Variants in FERMT1 observed in about 807,000 individuals in gnomAD.
FERMT1 encodes FERM domain containing kindlin 1.
FERMT1 carries 60 observed loss-of-function variants against 85.3 expected under a neutral mutation model. That is an observed-to-expected ratio of 0.70 (90% CI 0.57 to 0.87). The LOEUF (loss-of-function observed/expected upper bound fraction) is 0.87. Ranked by LOEUF, FERMT1 falls within the 40% of genes least tolerant of loss-of-function variation. The pLI, the probability that FERMT1 is intolerant of heterozygous loss-of-function variation, is 0.00. For missense variants in FERMT1, 701 were observed against 818.9 expected, an observed-to-expected ratio of 0.86 and a Z score of 1.76; for synonymous variants, 275 against 301.1, an observed-to-expected ratio of 0.91 and a Z score of 0.90.
chr20:6,083,895 C>T, intron 13 of FERMT1, 145 bp downstream of exon 13: 1 of 924,490 alleles, frequency 1.1e-6, no homozygotes, highest in Non-Finnish European at 1.7e-6. Context: ...ATGAGCAGCC[C>T]AAAGTGTCAG....
At chr20:6,102,199 G>A (rs1982676273) in intron 6 of FERMT1, among the ~76,000 whole-genome samples, 1 of 151,978 alleles carries the variant, frequency 6.6e-6, no homozygotes, top group African/African-American at 2.4e-5. Context: ...CATTTCTCCA[G>A]AGACAATGCT....
At chr20:6,097,483 G>T in intron 7 of FERMT1, 41 bp downstream of exon 7, 2 of 1,422,072 alleles carry the variant, frequency 1.4e-6, no homozygotes, top group Non-Finnish European at 2.0e-6. Flanking sequence ...AACAAACTTG[G>T]TTTGTCTCCT....
intron 6 of FERMT1, among the ~76,000 whole-genome samples, chr20:6,098,769 A>C (rs1339210373): frequency 6.6e-6 from 1 of 152,174 alleles, no homozygotes; most frequent in East Asian, 1.9e-4. Flanking sequence ...ATAAGATACT[A>C]CTTCACACCT....
chr20:6,096,782 CT>C lies in FERMT1; in HGVS notation c.1089+119del, dbSNP rs202086138. The C allele has an allele frequency of 0.14, 72,001 of 523,322 alleles. 222 individuals are homozygous for C. The highest frequency in any genetic ancestry group is 0.16 in the Admixed American group (5,236 of 32,608). 32.4% of individuals were successfully genotyped at this position (523,322 alleles called of 1,614,324 possible). A position where few individuals can be genotyped will look rare whatever the true frequency, so the allele number is the denominator to read the frequency against. On this transcript the variant is annotated intron_variant, in intron 8 of 14. Coordinates refer to ENST00000217289, the MANE Select transcript of FERMT1 (RefSeq NM_017671.5). ...TTGAAGCTTGTTAGGTGAAGAGCATCTTTTTTTTTTTTTTTTTTTCAAAATC... is the reference window on the plus strand; with the variant it reads ...TTGAAGCTTGTTAGGTGAAGAGCATCTTTTTTTTTTTTTTTTTTCAAAATC...
At chr20:6,084,200 C>A (rs1982097957) in intron 12 of FERMT1, 36 bp from the exon 13 acceptor site, 2 of 1,588,444 alleles carry the variant, frequency 1.3e-6, no homozygotes, top group South Asian at 2.3e-5. Context: ...TCTTCACATG[C>A]ACCGGCTGCT....
Position 6,076,202 on chromosome 20 carries a change from G to A in FERMT1, c.*971C>T. On this transcript the variant is annotated 3_prime_UTR_variant, in exon 15 of 15. Transcript: ENST00000217289. ...AGCCCCTGTGGGGGCAGCCAGTGGGGAGCTGTCAGACCTTGGACATGGTGG... is the reference window on the plus strand; with the variant it reads ...AGCCCCTGTGGGGGCAGCCAGTGGGAAGCTGTCAGACCTTGGACATGGTGG... 4 of 302,058 alleles carry A rather than the reference G, an allele frequency of 1.3e-5. No homozygotes were observed. Among genetic ancestry groups the A allele is most frequent in the Non-Finnish European group, 2.6e-5 (4 of 152,030 alleles). The allele number at this position is 302,058 out of a possible 1,614,324, so 18.7% of individuals were successfully genotyped here. A position where few individuals can be genotyped will look rare whatever the true frequency, so the allele number is the denominator to read the frequency against.
chr20:6,097,673 T>G (rs369370704), intron 6 of FERMT1, 42 bp from the exon 7 acceptor site: 5 of 1,276,300 alleles, frequency 3.9e-6, no homozygotes, highest in Non-Finnish European at 5.7e-6. Context: ...GAGGTATATT[T>G]ATATCCCACA....
At chr20:6,111,084 G>T (rs1600446125) in intron 4 of FERMT1, among the ~76,000 whole-genome samples, 1 of 152,138 alleles carries the variant, frequency 6.6e-6, no homozygotes, top group African/African-American at 2.4e-5. Flanking sequence ...TTACAGGCAT[G>T]AGCCACCACA....
chr20:6,081,919 A>T lies in FERMT1; in HGVS notation c.1718+2121T>A. Among the ~76,000 whole-genome samples, 2 of 152,110 alleles carry T rather than the reference A, an allele frequency of 1.3e-5. 1 individual carries two copies. The highest frequency in any genetic ancestry group is 2.9e-5 in the Non-Finnish European group (2 of 68,034). Reference sequence around the variant, plus strand: ...TCACCACCTTAATGCTTAATATCACAAATTAACCCACTTCTTACTCCACCC... The same window carrying T: ...TCACCACCTTAATGCTTAATATCACTAATTAACCCACTTCTTACTCCACCC... On this transcript the variant is annotated intron_variant, in intron 13 of 14. Coordinates refer to ENST00000217289, the MANE Select transcript of FERMT1 (RefSeq NM_017671.5).
intron 9 of FERMT1, among the ~76,000 whole-genome samples, chr20:6,090,274 T>C (rs1483737481): frequency 1.4e-4 from 22 of 152,000 alleles, no homozygotes; most frequent in Non-Finnish European, 2.2e-4. Flanking sequence ...GGGGTTTCAC[T>C]ATGTTGGCCA....
At chr20:6,101,445 G>A (rs1246332836) in intron 6 of FERMT1, among the ~76,000 whole-genome samples, 3 of 152,122 alleles carry the variant, frequency 2.0e-5, no homozygotes, top group Non-Finnish European at 4.4e-5. Context: ...GTAAAAAGAA[G>A]CAAGCTACAG....
intron 6 of FERMT1, among the ~76,000 whole-genome samples, chr20:6,098,893 G>A (rs1600437651): frequency 6.6e-6 from 1 of 152,154 alleles, no homozygotes; most frequent in East Asian, 1.9e-4. Flanking sequence ...CTGTAGAAAA[G>A]TTTGGCAGTT....
At chr20:6,109,009 G>C (rs1396408604) in intron 5 of FERMT1, among the ~76,000 whole-genome samples, 4 of 152,180 alleles carry the variant, frequency 2.6e-5, no homozygotes, top group African/African-American at 9.7e-5. Context: ...GAATGTGGCT[G>C]TTAGTGCCAC....
At chr20:6,101,628 A>G (rs1982660433) in intron 6 of FERMT1, among the ~76,000 whole-genome samples, 1 of 152,160 alleles carries the variant, frequency 6.6e-6, no homozygotes. Flanking sequence ...TTTTTACTCT[A>G]AATAATTTCT....
At chr20:6,100,480 A>G (rs1180779966) in intron 6 of FERMT1, among the ~76,000 whole-genome samples, 1 of 152,162 alleles carries the variant, frequency 6.6e-6, no homozygotes, top group Admixed American at 6.5e-5. Flanking sequence ...GCTAATGGGT[A>G]TGGAGTTTCT....
chr20:6,097,816 T>TA lies in FERMT1; in HGVS notation c.850-186dup, dbSNP rs370967800. ...TTTTTTTTTAAAGTTTTTTTTTTTT[T>TA]AATTTTTTATTTTTTTGAGACAGGG... On this transcript the variant is annotated intron_variant, in intron 6 of 14. Coordinates refer to ENST00000217289, the MANE Select transcript of FERMT1 (RefSeq NM_017671.5). 1.9e-3 allele frequency among the ~76,000 whole-genome samples: 283 copies of TA among 151,994 alleles called. 1 individual carries two copies. The highest frequency in any genetic ancestry group is 6.7e-3 in the African/African-American group (278 of 41,472).
At chr20:6,087,209 AC>A (rs1982211846) in intron 11 of FERMT1, among the ~76,000 whole-genome samples, 1 of 152,184 alleles carries the variant, frequency 6.6e-6, no homozygotes, top group Non-Finnish European at 1.5e-5. Flanking sequence ...GCACAGTCCC[AC>A]CAAACCTGTG....
Position 6,087,815 on chromosome 20 carries a change from C to T in FERMT1, c.1333G>A (p.Ala445Thr), listed in dbSNP as rs1982228111. 5 of 1,610,860 alleles carry T rather than the reference C, an allele frequency of 3.1e-6. No individual in the cohort carries two copies. The highest frequency in any genetic ancestry group is 3.3e-4 in the Middle Eastern group (2 of 6,058). ...KFGIKLLIPVADGMNEMYLRC... is the reference protein window; with the variant it reads ...KFGIKLLIPVTDGMNEMYLRC... Reference sequence around the variant, plus strand: ...AAATACATTTCATTCATACCATCGGCAACAGGGATTAGTAACTTGATTCCA... The same window carrying T: ...AAATACATTTCATTCATACCATCGGTAACAGGGATTAGTAACTTGATTCCA... The change falls in exon 11 of 15, where the codon GCC (alanine) becomes ACC (threonine). Residue 445 changes from alanine (A) to threonine (T), a missense_variant. Transcript: ENST00000217289.
intron 6 of FERMT1, among the ~76,000 whole-genome samples, chr20:6,105,012 G>A (rs1203768414): frequency 6.6e-6 from 1 of 152,170 alleles, no homozygotes; most frequent in Non-Finnish European, 1.5e-5. Context: ...GACCCTATGA[G>A]TCCTTGGGCT....
Sources: gnomAD v4.1 joint callset for allele counts (sites outside exome capture counted in the v4.1 genomes callset) on GRCh38, gnomAD v4.1.1 for gene constraint, MANE v1.5 for transcripts, NCBI Gene and HGNC (gene_info 2026-07-23, HGNC 2026-07-21) for gene names.